GALNT13: variants seen among roughly 807,000 people sequenced by gnomAD.
GALNT13 encodes the protein polypeptide N-acetylgalactosaminyltransferase 13.
GALNT13 carries 28 observed loss-of-function variants against 64.2 expected under a neutral mutation model. The ratio of observed to expected loss-of-function variants is 0.44; its 90% CI spans 0.32 to 0.60. The LOEUF (loss-of-function observed/expected upper bound fraction) is 0.60. Among genes scored for constraint, GALNT13 ranks in the 20% least tolerant of loss-of-function variants. The pLI is 0.05. For missense variants in GALNT13, 577 were observed against 669.8 expected, an observed-to-expected ratio of 0.86 and a Z score of 1.53; for synonymous variants, 214 against 224.6, an observed-to-expected ratio of 0.95 and a Z score of 0.42.
chr2:154,190,129 A>G (rs1686493920), intron 4 of GALNT13, among the ~76,000 whole-genome samples: 1 of 152,168 alleles, frequency 6.6e-6, no homozygotes, highest in Non-Finnish European at 1.5e-5. Flanking sequence ...AGGGTCCATG[A>G]TGTGAGAGGA....
At chr2:154,089,325 G>T (rs1197859406) in intron 3 of GALNT13, among the ~76,000 whole-genome samples, 1 of 151,884 alleles carries the variant, frequency 6.6e-6, no homozygotes, top group East Asian at 1.9e-4. Context: ...GATAACATCT[G>T]GTCTTCCTCT....
chr2:153,088,336 T>G, the GALNT13 span, among the ~76,000 whole-genome samples: 7 of 152,174 alleles, frequency 4.6e-5, no homozygotes, highest in Admixed American at 4.6e-4. Context: ...GTACTTGATA[T>G]AATTTAGATT....
At chr2:154,129,171 C>T (rs1401653487) in intron 3 of GALNT13, among the ~76,000 whole-genome samples, 1 of 152,054 alleles carries the variant, frequency 6.6e-6, no homozygotes, top group African/African-American at 2.4e-5. Flanking sequence ...TCCTAAACTA[C>T]CTTTTATGGT....
the GALNT13 span, among the ~76,000 whole-genome samples, chr2:153,465,062 C>A: frequency 6.6e-6 from 1 of 152,070 alleles, no homozygotes; most frequent in African/African-American, 2.4e-5. Context: ...CTATTACCTC[C>A]TCTGTTTCCA....
At chr2:154,056,567 T>C (rs1197519600) in intron 3 of GALNT13, among the ~76,000 whole-genome samples, 13 of 152,162 alleles carry the variant, frequency 8.5e-5, no homozygotes, top group Admixed American at 8.5e-4. Context: ...CTTACTGTAC[T>C]TAAAGTTTTT....
At chr2:153,793,288 T>C in the GALNT13 span, among the ~76,000 whole-genome samples, 4 of 152,270 alleles carry the variant, frequency 2.6e-5, no homozygotes, top group East Asian at 5.8e-4. Context: ...TAACATTTCA[T>C]AGGTCTTAAA....
In GALNT13 at chr2:153,894,465, C is replaced by T. The variant is rs117168699; in HGVS notation, c.-176-6471C>T. On this transcript the variant is annotated intron_variant, in intron 1 of 12. Coordinates refer to ENST00000392825, the MANE Select transcript of GALNT13 (RefSeq NM_052917.4). The stretch of plus-strand genomic sequence containing the variant: ...ATCAGGGGATTCTGATTTGTCATGC[C>T]TGTGATCGAAAATATCATGAGATCA... Among the ~76,000 whole-genome samples the T allele has an allele frequency of 2.4e-3, 361 of 149,820 alleles. 7 individuals are homozygous for T. The East Asian group carries it at 0.054, about 23-fold the overall frequency.
chr2:153,635,842 A>G, the GALNT13 span, among the ~76,000 whole-genome samples: 1 of 152,098 alleles, frequency 6.6e-6, no homozygotes, highest in Non-Finnish European at 1.5e-5. Context: ...TTCTAGTATC[A>G]TGTTTTTTTT....
the GALNT13 span, among the ~76,000 whole-genome samples, chr2:153,630,090 C>T: frequency 4.6e-4 from 68 of 149,036 alleles, no homozygotes; most frequent in East Asian, 1.8e-3. Flanking sequence ...GTCAGTGTGG[C>T]GATTCCTCAG....
At chr2:154,386,225 T>A (rs540384902) in intron 9 of GALNT13, among the ~76,000 whole-genome samples, 8 of 152,120 alleles carry the variant, frequency 5.3e-5, no homozygotes, top group African/African-American at 1.9e-4. Flanking sequence ...AGTCTCAAAT[T>A]CATCTCCTCA....
chr2:153,287,776 T>C, the GALNT13 span, among the ~76,000 whole-genome samples: 1 of 152,178 alleles, frequency 6.6e-6, no homozygotes, highest in Non-Finnish European at 1.5e-5. Context: ...CTATGGTCTC[T>C]GTGTTTCTGT....
Position 154,151,580 on chromosome 2 carries a change from T to C in GALNT13, c.311+11075T>C, listed in dbSNP as rs112982909. Among the ~76,000 whole-genome samples the C allele has an allele frequency of 2.7e-3, 409 of 152,312 alleles. 1 individual carries two copies. The highest frequency in any genetic ancestry group is 9.2e-3 in the African/African-American group (381 of 41,560). On this transcript the variant is annotated intron_variant, in intron 4 of 12. Transcript: ENST00000392825. ...GTGGGAGTCTAAGTCTCTTCGTAAGTCACTCAGGACTTGCTTTATGAAACT... is the reference window on the plus strand; with the variant it reads ...GTGGGAGTCTAAGTCTCTTCGTAAGCCACTCAGGACTTGCTTTATGAAACT...
the GALNT13 span, among the ~76,000 whole-genome samples, chr2:153,075,094 G>A: frequency 2.9e-4 from 44 of 152,206 alleles, no homozygotes; most frequent in Non-Finnish European, 5.7e-4. Context: ...TTTCTGAACC[G>A]TTTTAGTAGT....
At chr2:153,784,968 G>T in the GALNT13 span, among the ~76,000 whole-genome samples, 1 of 152,304 alleles carries the variant, frequency 6.6e-6, no homozygotes, top group Non-Finnish European at 1.5e-5. Flanking sequence ...TGGAGAGATG[G>T]CCAGACTCTA....
the GALNT13 span, among the ~76,000 whole-genome samples, chr2:153,591,225 A>T: frequency 1.3e-5 from 2 of 152,096 alleles, no homozygotes; most frequent in East Asian, 1.9e-4. Context: ...CTACAAAAAA[A>T]TTACCTAGGA....
chr2:154,097,572 G>T (rs1488211237), intron 3 of GALNT13, among the ~76,000 whole-genome samples: 1 of 151,568 alleles, frequency 6.6e-6, no homozygotes, highest in Admixed American at 6.6e-5. Flanking sequence ...TTAAAACTTT[G>T]GTAATGATTT....
the GALNT13 span, among the ~76,000 whole-genome samples, chr2:153,230,034 G>A: frequency 6.6e-6 from 1 of 152,156 alleles, no homozygotes; most frequent in African/African-American, 2.4e-5. Context: ...CTTGATAGAG[G>A]CATTAAATAT....
chr2:154,315,495 A>G (rs1559086095), intron 9 of GALNT13, among the ~76,000 whole-genome samples: 1 of 152,182 alleles, frequency 6.6e-6, no homozygotes, highest in Non-Finnish European at 1.5e-5. Context: ...CAGAAGCACT[A>G]TTAATGTGGA....
intron 3 of GALNT13, among the ~76,000 whole-genome samples, chr2:154,010,658 A>T (rs923975755): frequency 3.3e-5 from 5 of 152,172 alleles, no homozygotes; most frequent in Non-Finnish European, 7.4e-5. Flanking sequence ...TTTCTGTAGG[A>T]ATGGTACCAG....
Sources: gnomAD v4.1 joint callset for allele counts (sites outside exome capture counted in the v4.1 genomes callset) on GRCh38, gnomAD v4.1.1 for gene constraint, MANE v1.5 for transcripts, NCBI Gene and HGNC (gene_info 2026-07-23, HGNC 2026-07-21) for gene names.